IL17RE: variants seen among roughly 807,000 people sequenced by gnomAD.
The protein encoded by IL17RE is interleukin 17 receptor E.
A neutral mutation model predicts 70.7 loss-of-function variants in IL17RE; 47 were observed. The ratio of observed to expected loss-of-function variants is 0.67; its 90% CI spans 0.53 to 0.85. IL17RE has a LOEUF of 0.85. IL17RE is among the 40% of genes least tolerant of loss of function. The probability of loss-of-function intolerance (pLI) is 0.00; values close to 1 mark genes in which losing one functional copy is unlikely to be tolerated. For synonymous variants in IL17RE, 372 were observed against 381.2 expected (o/e 0.98, Z 0.28); for missense variants, 850 against 893.9 (o/e 0.95, Z 0.63).
Position 9,916,078 on chromosome 3 carries a change from G to A in IL17RE, c.*271G>A. The A allele has an allele frequency of 2.4e-6, 1 of 421,814 alleles. No individual in the cohort carries two copies. Among genetic ancestry groups the A allele is most frequent in the Non-Finnish European group, 4.0e-6 (1 of 251,456 alleles). The allele number at this position is 421,814 out of a possible 1,614,324, so 26.1% of individuals were successfully genotyped here. A position where few individuals can be genotyped will look rare whatever the true frequency, so the allele number is the denominator to read the frequency against. ...TTCCCACTTCCTCTCCAGAACTCCA[G>A]AAAGAGCAGTGTGCTTATGCTTCAG... is the stretch of plus-strand genomic sequence containing the variant. On this transcript the variant is annotated 3_prime_UTR_variant, in exon 16 of 16. Transcript: ENST00000383814.
intron 8 of IL17RE, 89 bp downstream of exon 8, chr3:9,909,372 C>A: frequency 8.8e-7 from 1 of 1,133,188 alleles, no homozygotes. Context: ...CACACACACA[C>A]ACCCCGCACT....
rs2083049032 is a variant in IL17RE at position 9,915,886 on chromosome 3, A to T, written c.*79A>T. On this transcript the variant is annotated 3_prime_UTR_variant, in exon 16 of 16. Coordinates refer to ENST00000383814, the MANE Select transcript of IL17RE (RefSeq NM_153480.2). This position sits in a 1 kb window ranked among gnomAD's most constrained non-coding sequence, Gnocchi z 4.9. The stretch of plus-strand genomic sequence containing the variant: ...GCTGGAACCCCGGAATGAGCCTTCG[A>T]CCCTGAAATCCTTGGGGTGCCTCGA... The T allele has an allele frequency of 7.0e-7, 1 of 1,425,198 alleles. No individual in the cohort carries two copies. The highest frequency in any genetic ancestry group is 9.1e-7 in the Non-Finnish European group (1 of 1,096,232). The allele number at this position is 1,425,198 out of a possible 1,614,324, so 88.3% of individuals were successfully genotyped here.
At chr3:9,911,086 C>T in intron 9 of IL17RE, 41 bp from the exon 10 acceptor site, 1 of 1,614,134 alleles carries the variant, frequency 6.2e-7, no homozygotes. Flanking sequence ...GGCTGGGGCC[C>T]AGGAATTTTC....
At chr3:9,906,681 G>A (rs777693903) in intron 4 of IL17RE, 25 bp from the exon 5 acceptor site, 7 of 1,613,320 alleles carry the variant, frequency 4.3e-6, no homozygotes, top group Non-Finnish European at 5.9e-6. Context: ...TCTGGCCTGA[G>A]GCCAACCTTG....
upstream of IL17RE, chr3:9,902,679 C>A (rs777379968): frequency 7.1e-5 from 109 of 1,536,034 alleles, no homozygotes; most frequent in Non-Finnish European, 9.1e-5. Context: ...CAGCAGGAGC[C>A]CCTTGTCTTT....
rs752301596 is a variant in IL17RE at position 9,911,055 on chromosome 3, C to A, written c.978+15C>A. ...AGTCAGATGGGGTGAGGACAGGTTC[C>A]CCCAGGACCAGGGTGGGCAGGGCTG... On this transcript the variant is annotated intron_variant, in intron 9 of 15. Coordinates refer to ENST00000383814, the MANE Select transcript of IL17RE (RefSeq NM_153480.2). 9.3e-5 allele frequency: 150 copies of A among 1,613,934 alleles called. No homozygotes were observed. The highest frequency in any genetic ancestry group is 1.2e-4 in the Non-Finnish European group (140 of 1,179,952).
intron 12 of IL17RE, among the ~76,000 whole-genome samples, chr3:9,913,403 C>CAAAA (rs1559275906): frequency 1.4e-5 from 2 of 145,540 alleles, no homozygotes; most frequent in South Asian, 4.3e-4. Flanking sequence ...GACTCTGTCT[C>CAAAA]AAAAAATAAA....
Position 9,915,592 on chromosome 3 carries a change from C to T in IL17RE, c.1789C>T (p.Leu597Phe). 4 of 1,426,144 alleles carry T rather than the reference C, an allele frequency of 2.8e-6. No homozygotes were observed. The highest frequency in any genetic ancestry group is 3.7e-6 in the Non-Finnish European group (4 of 1,092,950). The allele number at this position is 1,426,144 out of a possible 1,614,324, so 88.3% of individuals were successfully genotyped here. Reference sequence around the variant, plus strand: ...GCTGCTGCTCGCTTACTTCAGTCGCCTCTGCGCCAAGGGCGACATCCCCCC... The same window carrying T: ...GCTGCTGCTCGCTTACTTCAGTCGCTTCTGCGCCAAGGGCGACATCCCCCC... ...PLLLLAYFSR[L>F]CAKGDIPPPL... The change falls in exon 16 of 16, where the codon CTC (leucine) becomes TTC (phenylalanine). Residue 597 changes from leucine to phenylalanine, a missense_variant. By Grantham distance (22) the Leu-to-Phe change is conservative. Coordinates refer to ENST00000383814, the MANE Select transcript of IL17RE (RefSeq NM_153480.2). This position sits in a 1 kb window ranked among gnomAD's most constrained non-coding sequence, Gnocchi z 4.9.
intron 6 of IL17RE, 109 bp downstream of exon 6, chr3:9,907,209 C>A: frequency 7.3e-7 from 1 of 1,365,292 alleles, no homozygotes; most frequent in Non-Finnish European, 1.0e-6. Flanking sequence ...TGGTAACTGT[C>A]CAAGACCTCC....
upstream of IL17RE, chr3:9,902,474 C>T (rs747277469): frequency 4.1e-6 from 3 of 737,700 alleles, no homozygotes; most frequent in East Asian, 2.7e-5. Context: ...CTCCAGCACC[C>T]AGTGCTGAGT....
chr3:9,915,776 G>C lies in IL17RE; in HGVS notation c.1973G>C (p.Arg658Pro), dbSNP rs1459532655. 4 of 1,532,824 alleles carry C rather than the reference G, an allele frequency of 2.6e-6. No individual in the cohort carries two copies. The highest frequency in any genetic ancestry group is 3.5e-6 in the Non-Finnish European group (4 of 1,151,826). The allele number at this position is 1,532,824 out of a possible 1,614,324, so 95.0% of individuals were successfully genotyped here. The change falls in exon 16 of 16, where the codon CGA becomes CCA. Residue 658 changes from arginine (R) to proline (P), a missense_variant. By Grantham distance (103) the Arg-to-Pro change is moderately radical (BLOSUM62 -2). Transcript: ENST00000383814. This position sits in a 1 kb window ranked among gnomAD's most constrained non-coding sequence, Gnocchi z 4.9. ...CTAGAGCTGTGCAGCCGGCTCGAAC[G>C]AGAGGCCGCCCGACTTGCAGACCTA... ...SRLELCSRLE[R>P]EAARLADLG is the part of the protein sequence containing the mutation.
intron 3 of IL17RE, among the ~76,000 whole-genome samples, chr3:9,904,550 T>G (rs2125071194): frequency 6.6e-6 from 1 of 152,220 alleles, no homozygotes; most frequent in Admixed American, 6.5e-5. Context: ...TTTGGGAGGC[T>G]GAAGCAGCCT....
intron 4 of IL17RE, 102 bp from the exon 5 acceptor site, chr3:9,906,604 A>C (rs1042164120): frequency 3.4e-6 from 5 of 1,468,540 alleles, no homozygotes; most frequent in African/African-American, 1.4e-5. Flanking sequence ...AGGCCAAAAG[A>C]GTTTGAGCAA....
rs1318364211 is a variant in IL17RE, at chr3:9,907,074, G to A, written c.640G>A (p.Glu214Lys). 3 of 1,614,184 alleles carry A rather than the reference G, an allele frequency of 1.9e-6. No homozygotes were observed. The highest frequency in any genetic ancestry group is 2.5e-6 in the Non-Finnish European group (3 of 1,180,036). ...LCHQWALECEELSSPYDVQKI... is the reference protein window; with the variant it reads ...LCHQWALECEKLSSPYDVQKI... Reference sequence around the variant, plus strand: ...TCACCAGTGGGCACTGGAGTGTGAAGAGCTGAGCAGTCCCTATGATGTCCA... The same window carrying A: ...TCACCAGTGGGCACTGGAGTGTGAAAAGCTGAGCAGTCCCTATGATGTCCA... Residue 214 changes from glutamate (E) to lysine (K), a missense_variant, in exon 6 of 16, where the codon GAG becomes AAG. Coordinates refer to ENST00000383814, the MANE Select transcript of IL17RE (RefSeq NM_153480.2).
chr3:9,903,222 G>A (rs1249505048), intron 1 of IL17RE, 158 bp downstream of exon 1: 2 of 952,390 alleles, frequency 2.1e-6, no homozygotes, highest in Non-Finnish European at 3.2e-6. Context: ...GGTCCTTTGT[G>A]CTGAGGGCCT....
Position 9,914,592 on chromosome 3 carries a change from T to C in IL17RE, c.1341T>C (p.Cys447=), listed in dbSNP as rs2082968984. Residue 447 remains cysteine (C), a synonymous_variant, in exon 14 of 16, where the codon TGT becomes TGC. Coordinates refer to ENST00000383814, the MANE Select transcript of IL17RE (RefSeq NM_153480.2). The part of the protein sequence containing the change: ...DVQFAWKHLL[C]PDVSYRHLGL... ...AGTTTGCCTGGAAGCACCTCTTGTG[T>C]CCGGATGGTGAGTTCTTGGGGAGGG... is the stretch of plus-strand genomic sequence containing the variant. 6.2e-7 allele frequency: 1 copy of C among 1,613,764 alleles called. No individual in the cohort carries two copies. The highest frequency in any genetic ancestry group is 1.3e-5 in the African/African-American group (1 of 74,918).
chr3:9,912,035 AG>A (rs1447360704), intron 12 of IL17RE, among the ~76,000 whole-genome samples: 2 of 152,158 alleles, frequency 1.3e-5, no homozygotes, highest in Non-Finnish European at 2.9e-5. Flanking sequence ...GTGAGAAACG[AG>A]GCCACACAGC....
intron 8 of IL17RE, chr3:9,910,128 G>C (rs899270242): frequency 6.6e-6 from 1 of 152,438 alleles, no homozygotes; most frequent in African/African-American, 2.4e-5. Context: ...CACTTTGGGA[G>C]GCTGAAGTAG....
chr3:9,909,084 T>G, intron 7 of IL17RE, 133 bp from the exon 8 acceptor site: 2 of 489,576 alleles, frequency 4.1e-6, no homozygotes. Flanking sequence ...CATTGCCCCC[T>G]CCTGCTCGGT....
Sources: gnomAD v4.1 joint callset for allele counts (sites outside exome capture counted in the v4.1 genomes callset) on GRCh38, gnomAD v4.1.1 for gene constraint, Gnocchi (gnomAD v3.1) non-coding constraint, MANE v1.5 for transcripts, NCBI Gene and HGNC (gene_info 2026-07-23, HGNC 2026-07-21) for gene names.